RIPOR2: variants seen among roughly 807,000 people sequenced by gnomAD.
RIPOR2 encodes the protein rho family-interacting cell polarization regulator 2.
In RIPOR2, 39 loss-of-function variants were observed where a neutral mutation model predicts 114.5. That is an observed-to-expected ratio of 0.34 (90% CI 0.26 to 0.44). The LOEUF (loss-of-function observed/expected upper bound fraction) is 0.44, where lower values mean the gene tolerates loss of function less well. RIPOR2 is among the 20% of genes least tolerant of loss of function. RIPOR2 has a pLI of 1.00. For synonymous variants in RIPOR2, 445 were observed against 484.4 expected, an observed-to-expected ratio of 0.92 and a Z score of 1.07; for missense variants, 1,007 against 1,255.1, an observed-to-expected ratio of 0.80 and a Z score of 2.99.
chr6:24,938,178 C>A (rs555163826), upstream of RIPOR2, among the ~76,000 whole-genome samples: 1 of 152,196 alleles, frequency 6.6e-6, no homozygotes, highest in East Asian at 1.9e-4. Context: ...GGTCCTTAAT[C>A]CAATATGACT....
intron 1 of RIPOR2, among the ~76,000 whole-genome samples, chr6:24,960,419 C>T (rs401671): frequency 0.32 from 48,119 of 152,166 alleles, 8,241 homozygotes; most frequent in Non-Finnish European, 0.39. Flanking sequence ...TAGTCTCATC[C>T]ATGAGTATCC....
intron 14 of RIPOR2, among the ~76,000 whole-genome samples, chr6:24,837,501 C>T (rs939906993): frequency 3.9e-5 from 6 of 152,110 alleles, no homozygotes; most frequent in African/African-American, 1.4e-4. Context: ...CCTTGACATC[C>T]TGGGTTCAAG....
chr6:24,910,333 C>G (rs550991854), intron 1 of RIPOR2, among the ~76,000 whole-genome samples: 2 of 152,304 alleles, frequency 1.3e-5, no homozygotes, highest in East Asian at 3.9e-4. Context: ...AACGGGCAGC[C>G]CGGGGGCAAA....
intron 1 of RIPOR2, among the ~76,000 whole-genome samples, chr6:24,886,201 C>T (rs1340062684): frequency 6.6e-6 from 1 of 152,122 alleles, no homozygotes; most frequent in Non-Finnish European, 1.5e-5. Context: ...TATTTATATA[C>T]ATTTCCTCCC....
intron 20 of RIPOR2, 53 bp from the exon 21 acceptor site, chr6:24,809,860 C>A: frequency 1.7e-6 from 2 of 1,188,408 alleles, no homozygotes; most frequent in South Asian, 2.6e-5. Context: ...TCTAGAGTAC[C>A]ACGAGACTTG....
In RIPOR2 at chr6:24,935,317, CAACAAA is replaced by C. The variant is rs1312608767; in HGVS notation, c.61+515_61+520del. ...AGCAAGACTCTGTCTCAAAAAACAA[CAACAAA>C]AAAAAAAAAAAAAAAAAAGAGAAGG... is the stretch of plus-strand genomic sequence containing the variant. On this transcript the variant is annotated intron_variant, in intron 1 of 21. Coordinates refer to ENST00000643898, the MANE Select transcript of RIPOR2 (RefSeq NM_001286445.3). Among the ~76,000 whole-genome samples, 307 of 79,728 alleles carry C rather than the reference CAACAAA, an allele frequency of 3.9e-3. 4 individuals are homozygous for C. The highest frequency in any genetic ancestry group is 0.013 in the African/African-American group (278 of 21,728). 52.3% of individuals were successfully genotyped at this position (79,728 alleles called of 152,430 possible). A position where few individuals can be genotyped will look rare whatever the true frequency, so the allele number is the denominator to read the frequency against.
In RIPOR2 at chr6:24,922,154, TA is replaced by T. The variant is rs922933764; in HGVS notation, c.61+13683del. Among the ~76,000 whole-genome samples, 8 of 151,980 alleles carry T rather than the reference TA, an allele frequency of 5.3e-5. No homozygotes were observed. The East Asian group carries it at 1.2e-3, about 22-fold the overall frequency. On this transcript the variant is annotated intron_variant, in intron 1 of 21. Coordinates refer to ENST00000643898, the MANE Select transcript of RIPOR2 (RefSeq NM_001286445.3). ...CTGATATTCTTTAAATGAATAATAATAAAAAAAACCTTATTTATATCCCTAA... is the reference window on the plus strand; with the variant it reads ...CTGATATTCTTTAAATGAATAATAATAAAAAAACCTTATTTATATCCCTAA...
chr6:24,902,516 A>G (rs1768577713), intron 1 of RIPOR2, among the ~76,000 whole-genome samples: 1 of 152,092 alleles, frequency 6.6e-6, no homozygotes, highest in Non-Finnish European at 1.5e-5. Context: ...CGCGACTGGC[A>G]CTTTTCCTTC....
intron 1 of RIPOR2, among the ~76,000 whole-genome samples, chr6:24,925,643 A>C (rs1318079774): frequency 6.6e-6 from 1 of 152,086 alleles, no homozygotes; most frequent in Admixed American, 6.6e-5. Context: ...CGGAGGTTGC[A>C]GTGAACCAAG....
intron 1 of RIPOR2, among the ~76,000 whole-genome samples, chr6:25,010,986 G>T (rs747968307): frequency 1.3e-5 from 2 of 152,172 alleles, no homozygotes; most frequent in Admixed American, 6.5e-5. Context: ...GGGAAAGGTT[G>T]TTCTCTCTAG....
At chr6:25,010,078 T>C (rs969791674) in intron 1 of RIPOR2, among the ~76,000 whole-genome samples, 1 of 152,188 alleles carries the variant, frequency 6.6e-6, no homozygotes, top group Non-Finnish European at 1.5e-5. Context: ...ACAGGTATTA[T>C]AGTAGGTTAT....
intron 1 of RIPOR2, among the ~76,000 whole-genome samples, chr6:24,954,153 G>A (rs192532537): frequency 9.8e-5 from 15 of 152,310 alleles, no homozygotes; most frequent in African/African-American, 3.1e-4. Context: ...TACCTGGAGG[G>A]CGGGTTGGTA....
chr6:25,031,699 T>A (rs567887440), intron 1 of RIPOR2, among the ~76,000 whole-genome samples: 384 of 35,386 alleles, frequency 0.011, 12 homozygotes, highest in Middle Eastern at 0.079. Context: ...TAGGTGGTAG[T>A]TATATATATA....
chr6:24,977,499 C>G (rs1774119160), intron 1 of RIPOR2, among the ~76,000 whole-genome samples: 1 of 152,232 alleles, frequency 6.6e-6, no homozygotes, highest in African/African-American at 2.4e-5. Context: ...AGATACATAA[C>G]AGGAAACGGA....
At chr6:25,033,748 G>A (rs917106579) in intron 1 of RIPOR2, among the ~76,000 whole-genome samples, 1 of 152,126 alleles carries the variant, frequency 6.6e-6, no homozygotes, top group Admixed American at 6.5e-5. Context: ...CATCCTGTAG[G>A]TACTTGTTTG....
chr6:24,985,047 TC>T (rs1394846684), intron 1 of RIPOR2, among the ~76,000 whole-genome samples: 4 of 152,224 alleles, frequency 2.6e-5, no homozygotes, highest in African/African-American at 4.8e-5. Flanking sequence ...TTGGGTCCCC[TC>T]CTCAGGAAAT....
At chr6:25,018,494 G>T (rs1179427503) in intron 1 of RIPOR2, among the ~76,000 whole-genome samples, 4 of 151,732 alleles carry the variant, frequency 2.6e-5, no homozygotes, top group Non-Finnish European at 5.9e-5. Context: ...TTTCTATATA[G>T]AACGCTCCTT....
intron 1 of RIPOR2, among the ~76,000 whole-genome samples, chr6:24,902,297 C>T (rs542785270): frequency 8.6e-5 from 13 of 152,036 alleles, no homozygotes; most frequent in African/African-American, 2.9e-4. Flanking sequence ...TCACTGCAAC[C>T]TCCGCCTCCT....
intron 6 of RIPOR2, among the ~76,000 whole-genome samples, chr6:24,867,174 C>A (rs1465068965): frequency 6.6e-6 from 1 of 152,234 alleles, no homozygotes; most frequent in Non-Finnish European, 1.5e-5. Flanking sequence ...TGAAAAGAAT[C>A]ATCTTTAATC....
Sources: allele counts gnomAD v4.1 joint callset (sites outside exome capture counted in the v4.1 genomes callset), GRCh38; gene constraint gnomAD v4.1.1; transcripts MANE v1.5; gene names NCBI Gene and HGNC (gene_info 2026-07-23, HGNC 2026-07-21).